The following CTNNA2 variants were observed in gnomAD, a reference collection of about 807,000 sequenced individuals.
CTNNA2 encodes catenin alpha-2.
A neutral mutation model predicts 101.0 loss-of-function variants in CTNNA2; 42 were observed. The ratio of observed to expected loss-of-function variants is 0.42; its 90% CI spans 0.32 to 0.54. The LOEUF is 0.54. Ranked by LOEUF, CTNNA2 falls within the 20% of genes least tolerant of loss-of-function variation. The probability of loss-of-function intolerance (pLI) is 0.14; values close to 1 mark genes in which losing one functional copy is unlikely to be tolerated. For missense variants in CTNNA2, 871 were observed against 1,223.1 expected, an observed-to-expected ratio of 0.71 and a Z score of 4.29; for synonymous variants, 450 against 456.4, an observed-to-expected ratio of 0.99 and a Z score of 0.18.
chr2:80,300,284 GTGTGT>G (rs1558981543), intron 7 of CTNNA2, among the ~76,000 whole-genome samples: 59 of 12,086 alleles, frequency 4.9e-3, no homozygotes, highest in Admixed American at 8.3e-3. Flanking sequence ...GTGTTGGGGT[GTGTGT>G]GTGTGTGTGT....
At chr2:79,203,836 A>G (rs1183992569) in intron 2 of CTNNA2, among the ~76,000 whole-genome samples, 1 of 152,134 alleles carries the variant, frequency 6.6e-6, no homozygotes, top group Non-Finnish European at 1.5e-5. Flanking sequence ...CTTTTTTCCA[A>G]TGAAGGCCCA....
chr2:80,387,936 T>C (rs1677163374), intron 7 of CTNNA2, among the ~76,000 whole-genome samples: 1 of 152,240 alleles, frequency 6.6e-6, no homozygotes, highest in African/African-American at 2.4e-5. Context: ...GCTTCGTTTT[T>C]TAATAACGAT....
intron 12 of CTNNA2, chr2:80,572,646 C>T (rs1225073366): frequency 6.6e-6 from 1 of 151,812 alleles, no homozygotes; most frequent in Non-Finnish European, 1.5e-5. Flanking sequence ...AAGTTTATTC[C>T]CAACACGAAT....
intron 9 of CTNNA2, among the ~76,000 whole-genome samples, chr2:80,433,812 G>T (rs1466148004): frequency 6.6e-6 from 1 of 152,098 alleles, no homozygotes; most frequent in Non-Finnish European, 1.5e-5. Context: ...AGATTCTAGT[G>T]CCTTGCTACA....
chr2:79,605,775 G>C (rs72923322), intron 1 of CTNNA2, among the ~76,000 whole-genome samples: 3,101 of 151,992 alleles, frequency 0.02, 112 homozygotes, highest in African/African-American at 0.07. Flanking sequence ...TAATAAACTA[G>C]CTGTGTGTGG....
intron 9 of CTNNA2, among the ~76,000 whole-genome samples, chr2:80,503,908 G>A (rs1688067560): frequency 6.6e-6 from 1 of 152,138 alleles, no homozygotes; most frequent in African/African-American, 2.4e-5. Flanking sequence ...GCTGAGCCAA[G>A]GTTCAGGAGC....
chr2:79,825,827 TAGG>T (rs1678394595), intron 3 of CTNNA2, among the ~76,000 whole-genome samples: 1 of 152,120 alleles, frequency 6.6e-6, no homozygotes. Flanking sequence ...CAGAAGCATT[TAGG>T]AGAAGATACA....
At chr2:79,978,748 G>A (rs1301652915) in intron 7 of CTNNA2, among the ~76,000 whole-genome samples, 5 of 152,136 alleles carry the variant, frequency 3.3e-5, no homozygotes. Context: ...TTTTCCTAGA[G>A]CAAAATAGTA....
Position 79,874,261 on chromosome 2 carries a change from T to G in CTNNA2, c.771T>G (p.Ala257=). Residue 257 remains alanine (A), a synonymous_variant, in exon 6 of 19, where the codon GCT becomes GCG. Coordinates refer to ENST00000402739, the MANE Select transcript of CTNNA2 (RefSeq NM_001282597.3). The part of the protein sequence containing the change: ...VQEAIAGISN[A]AQATSPTDEA... ...AGGCCATCGCCGGCATCTCCAATGCTGCTCAAGCTACCTCGCCCACTGACG... is the reference window on the plus strand; with the variant it reads ...AGGCCATCGCCGGCATCTCCAATGCGGCTCAAGCTACCTCGCCCACTGACG... 1 of 1,614,078 alleles carries G rather than the reference T, an allele frequency of 6.2e-7. No homozygotes were observed. Among genetic ancestry groups the G allele is most frequent in the Non-Finnish European group, 8.5e-7 (1 of 1,180,008 alleles).
At chr2:79,852,284 T>C (rs918834522) in intron 3 of CTNNA2, among the ~76,000 whole-genome samples, 3 of 152,212 alleles carry the variant, frequency 2.0e-5, no homozygotes, top group Admixed American at 6.5e-5. Context: ...TCTTTTGGCT[T>C]CTTTTAATTG....
intron 7 of CTNNA2, among the ~76,000 whole-genome samples, chr2:80,069,817 A>G (rs752043409): frequency 1.4e-4 from 19 of 140,338 alleles, no homozygotes; most frequent in Middle Eastern, 3.7e-3. Flanking sequence ...ACCTTCTTCT[A>G]CTATGCATTC....
At chr2:79,212,075 C>T (rs973758886) in intron 2 of CTNNA2, among the ~76,000 whole-genome samples, 9 of 152,170 alleles carry the variant, frequency 5.9e-5, no homozygotes, top group African/African-American at 1.7e-4. Flanking sequence ...GGACCCAGAA[C>T]ATCTGATTAG....
intron 3 of CTNNA2, among the ~76,000 whole-genome samples, chr2:79,778,203 G>C (rs776021305): frequency 1.3e-5 from 2 of 151,888 alleles, no homozygotes; most frequent in East Asian, 3.9e-4. Flanking sequence ...AAAATTAACC[G>C]AGTATGGTGG....
At chr2:80,133,320 G>A (rs1326329122) in intron 7 of CTNNA2, among the ~76,000 whole-genome samples, 1 of 152,142 alleles carries the variant, frequency 6.6e-6, no homozygotes, top group East Asian at 1.9e-4. Flanking sequence ...CAGATTTCTA[G>A]TCTCCAGAAC....
At chr2:80,099,440 G>T (rs1700397960) in intron 7 of CTNNA2, among the ~76,000 whole-genome samples, 1 of 152,186 alleles carries the variant, frequency 6.6e-6, no homozygotes. Flanking sequence ...AGTGAGCAAA[G>T]TTGTGTAGTG....
intron 9 of CTNNA2, among the ~76,000 whole-genome samples, chr2:80,451,992 T>C (rs890365456): frequency 6.6e-6 from 1 of 152,164 alleles, no homozygotes; most frequent in African/African-American, 2.4e-5. Context: ...ATCCAGAACA[T>C]GAGGCTAGTT....
chr2:79,629,476 G>A (rs936170700), intron 1 of CTNNA2, among the ~76,000 whole-genome samples: 13 of 152,190 alleles, frequency 8.5e-5, no homozygotes, highest in South Asian at 4.1e-4. Flanking sequence ...CTTTGCCATC[G>A]TGGTCCCAAA....
At chr2:79,688,423 ATAAT>A (rs1684081554) in intron 2 of CTNNA2, among the ~76,000 whole-genome samples, 1 of 152,034 alleles carries the variant, frequency 6.6e-6, no homozygotes, top group Non-Finnish European at 1.5e-5. Context: ...TAAAAACAAC[ATAAT>A]TAAAAACAAA....
intron 7 of CTNNA2, among the ~76,000 whole-genome samples, chr2:79,934,589 A>G (rs892951513): frequency 6.6e-6 from 1 of 152,208 alleles, no homozygotes. Flanking sequence ...GTCCCAGCCC[A>G]GAAGTCTTTG....
Sources: allele counts gnomAD v4.1 joint callset (sites outside exome capture counted in the v4.1 genomes callset), GRCh38; gene constraint gnomAD v4.1.1; transcripts MANE v1.5; gene names NCBI Gene and HGNC (gene_info 2026-07-23, HGNC 2026-07-21).